CERS1: variants seen among roughly 807,000 people sequenced by gnomAD.
CERS1 encodes ceramide synthase 1, also known as Embryonic growth/differentiation factor 1.
A neutral mutation model predicts 35.7 loss-of-function variants in CERS1; 16 were observed. The observed-to-expected ratio is 0.45, with a 90% CI of 0.30 to 0.68. The LOEUF (loss-of-function observed/expected upper bound fraction) is 0.68, where lower values mean the gene tolerates loss of function less well. Ranked by LOEUF, CERS1 falls within the 30% of genes least tolerant of loss-of-function variation. The pLI, the probability that CERS1 is intolerant of heterozygous loss-of-function variation, is 0.08. For missense variants in CERS1, 454 were observed against 453.9 expected (o/e 1.00, Z 0.00); for synonymous variants, 243 against 201.6 (o/e 1.21, Z -1.74).
chr19:18,877,688 GC>G (rs959639124), intron 6 of CERS1, among the ~76,000 whole-genome samples: 1 of 150,922 alleles, frequency 6.6e-6, no homozygotes, highest in Non-Finnish European at 1.5e-5. Context: ...CTGGGAGGCG[GC>G]GGTTGCAGCG....
Position 18,870,019 on chromosome 19 carries a change from C to T in CERS1, c.*558G>A. ...ATGTGGCGCACGATGTTTCCGGCGA[C>T]CCCCAGCTCCTCCACGTGGCACGGT... On this transcript the variant is annotated 3_prime_UTR_variant, in exon 7 of 8. Coordinates refer to ENST00000623882, the MANE Select transcript of CERS1 (RefSeq NM_021267.5). This position sits in a 1 kb window ranked among gnomAD's most constrained non-coding sequence, Gnocchi z 5.1. 6.3e-7 allele frequency: 1 copy of T among 1,597,032 alleles called. No homozygotes were observed. The highest frequency in any genetic ancestry group is 8.5e-7 in the Non-Finnish European group (1 of 1,173,876).
Position 18,878,082 on chromosome 19 carries a change from T to C in CERS1, c.1010+848A>G. On this transcript the variant is annotated intron_variant, in intron 6 of 7. Transcript: ENST00000623882. The surrounding 1 kb of genome is among the most constrained non-coding windows in gnomAD (Gnocchi z 4.6). The stretch of plus-strand genomic sequence containing the variant: ...CCCGTTCCAAAAAACGTCACGGAGC[T>C]CTGAGCCACTGCTTCCCTGAAACCA... The C allele has an allele frequency of 1.0e-6, 1 of 985,500 alleles. No individual in the cohort carries two copies. Among genetic ancestry groups the C allele is most frequent in the Non-Finnish European group, 1.2e-6 (1 of 829,990 alleles). The allele number at this position is 985,500 out of a possible 1,614,324, so 61.0% of individuals were successfully genotyped here.
chr19:18,882,934 G>A (rs2056251433), intron 3 of CERS1, among the ~76,000 whole-genome samples: 1 of 152,172 alleles, frequency 6.6e-6, no homozygotes, highest in South Asian at 2.1e-4. Context: ...CTCATGATCC[G>A]CTCGCCTCGG....
chr19:18,890,614 C>T (rs1334737669), intron 2 of CERS1, among the ~76,000 whole-genome samples: 1 of 150,328 alleles, frequency 6.7e-6, no homozygotes, highest in Non-Finnish European at 1.5e-5. Context: ...CCCATCTCTA[C>T]CAAAAAACAC....
rs1035327337 is a variant in CERS1, at chr19:18,869,223, G to A, written c.*762C>T. Reference sequence around the variant, plus strand: ...CCCTGGCCCGCTTGCGCCACGCTCAGCTCCCAGCCGCCCTCCGGGGCTGCC... The same window carrying A: ...CCCTGGCCCGCTTGCGCCACGCTCAACTCCCAGCCGCCCTCCGGGGCTGCC... On this transcript the variant is annotated 3_prime_UTR_variant, in exon 8 of 8. Coordinates refer to ENST00000623882, the MANE Select transcript of CERS1 (RefSeq NM_021267.5). 4.8e-5 allele frequency: 66 copies of A among 1,373,062 alleles called. No homozygotes were observed. The highest frequency in any genetic ancestry group is 5.8e-5 in the Non-Finnish European group (62 of 1,073,752). 85.1% of individuals were successfully genotyped at this position (1,373,062 alleles called of 1,614,324 possible). A position where few individuals can be genotyped will look rare whatever the true frequency, so the allele number is the denominator to read the frequency against.
chr19:18,873,251 C>T (rs1042494222), intron 6 of CERS1, among the ~76,000 whole-genome samples: 9 of 151,892 alleles, frequency 5.9e-5, no homozygotes, highest in African/African-American at 1.5e-4. Context: ...ATGTCAAACA[C>T]GGGAGATGGA....
At chr19:18,882,228 A>G (rs544261894) in intron 3 of CERS1, among the ~76,000 whole-genome samples, 3 of 152,328 alleles carry the variant, frequency 2.0e-5, no homozygotes, top group Admixed American at 6.5e-5. Flanking sequence ...AACTATGGGA[A>G]TGTTCTAAAC....
chr19:18,879,160 C>T (rs2056128377), intron 5 of CERS1, 81 bp downstream of exon 5: 1 of 1,598,680 alleles, frequency 6.3e-7, no homozygotes, highest in African/African-American at 1.3e-5. Flanking sequence ...ACGTGCCCCT[C>T]CCCGGGACTG....
At chr19:18,876,835 T>C (rs1568295995) in intron 6 of CERS1, among the ~76,000 whole-genome samples, 1 of 152,172 alleles carries the variant, frequency 6.6e-6, no homozygotes. Context: ...ACATTGGTGC[T>C]TTGCTATTAA....
At chr19:18,880,024 A>C in intron 4 of CERS1, among the ~76,000 whole-genome samples, 1 of 136,962 alleles carries the variant, frequency 7.3e-6, no homozygotes, top group Non-Finnish European at 1.6e-5. Flanking sequence ...GGATCCACCC[A>C]CCTCACCTGG....
chr19:18,869,353 C>G lies in CERS1; in HGVS notation c.*632G>C, dbSNP rs2055918012. ...CGACTGTCCACTCAGGGCAATGCCC[C>G]GCGGCCGAGGCAGGCTCCGAGGCCC... On this transcript the variant is annotated 3_prime_UTR_variant, in exon 8 of 8. Coordinates refer to ENST00000623882, the MANE Select transcript of CERS1 (RefSeq NM_021267.5). 1 of 1,532,146 alleles carries G rather than the reference C, an allele frequency of 6.5e-7. No individual in the cohort carries two copies. The highest frequency in any genetic ancestry group is 8.7e-7 in the Non-Finnish European group (1 of 1,146,672). The allele number at this position is 1,532,146 out of a possible 1,614,324, so 94.9% of individuals were successfully genotyped here.
chr19:18,870,640 A>G lies in CERS1; in HGVS notation c.1011-21T>C. 1.8e-6 allele frequency: 1 copy of G among 543,666 alleles called. No individual in the cohort carries two copies. Among genetic ancestry groups the G allele is most frequent in the Admixed American group, 3.4e-5 (1 of 29,260 alleles). 33.7% of individuals were successfully genotyped at this position (543,666 alleles called of 1,614,324 possible). ...GCTTCCTGGGGGTCAGAACCGGCGC[A>G]GGTTAGCCTGGGAGCCCCACGCGGC... On this transcript the variant is annotated intron_variant, in intron 6 of 7. Coordinates refer to ENST00000623882, the MANE Select transcript of CERS1 (RefSeq NM_021267.5). The surrounding 1 kb of genome is among the most constrained non-coding windows in gnomAD (Gnocchi z 5.1).
chr19:18,872,805 C>T (rs1258518552), intron 6 of CERS1, among the ~76,000 whole-genome samples: 2 of 151,406 alleles, frequency 1.3e-5, no homozygotes, highest in African/African-American at 2.4e-5. Context: ...GTGAGCGCCG[C>T]GCCTGGCTAA....
intron 6 of CERS1, among the ~76,000 whole-genome samples, chr19:18,875,050 T>A (rs2056036676): frequency 6.6e-6 from 1 of 151,250 alleles, no homozygotes; most frequent in South Asian, 2.1e-4. Context: ...AACTGGGTAA[T>A]ATAGTGAGAT....
rs948868401 is a variant in CERS1, at chr19:18,868,765, G to A, written c.*1220C>T. On this transcript the variant is annotated 3_prime_UTR_variant, in exon 8 of 8. Coordinates refer to ENST00000623882, the MANE Select transcript of CERS1 (RefSeq NM_021267.5). Reference sequence around the variant, plus strand: ...CGTGCATGAGCGCGCGCAGCACAGCGTGGTTGAGCGCCGGCGGCCCCCCGG... The same window carrying A: ...CGTGCATGAGCGCGCGCAGCACAGCATGGTTGAGCGCCGGCGGCCCCCCGG... 1.1e-5 allele frequency: 16 copies of A among 1,487,638 alleles called. No individual in the cohort carries two copies. Among genetic ancestry groups the A allele is most frequent in the Non-Finnish European group, 1.3e-5 (14 of 1,112,614 alleles). 92.2% of individuals were successfully genotyped at this position (1,487,638 alleles called of 1,614,324 possible).
intron 2 of CERS1, among the ~76,000 whole-genome samples, chr19:18,887,299 C>T (rs2056384958): frequency 6.6e-6 from 1 of 152,140 alleles, no homozygotes; most frequent in Non-Finnish European, 1.5e-5. Flanking sequence ...ATGCCCAGAA[C>T]AGGCAAATCT....
chr19:18,885,511 G>GTTTTTTTT (rs59793456), intron 2 of CERS1, among the ~76,000 whole-genome samples: 12 of 22,120 alleles, frequency 5.4e-4, no homozygotes, highest in African/African-American at 1.3e-3. Context: ...GCCCCTTCTC[G>GTTTTTTTT]TTTTTTTTTT....
chr19:18,894,276 C>A (rs939412165), intron 1 of CERS1, among the ~76,000 whole-genome samples: 1 of 151,912 alleles, frequency 6.6e-6, no homozygotes, highest in Non-Finnish European at 1.5e-5. Flanking sequence ...GGCGCGGCTC[C>A]AGAGCTGCCC....
Position 18,896,118 on chromosome 19 carries a change from T to G in CERS1, c.-46A>C. ...GCCCGTCGCCTGCGCCCGCCCGCGG[T>G]AGCCGACGGAGCCGCGCGCCCCGCG... On this transcript the variant is annotated 5_prime_UTR_variant, in exon 1 of 8. Transcript: ENST00000623882. The surrounding 1 kb of genome is among the most constrained non-coding windows in gnomAD (Gnocchi z 5.9). The G allele has an allele frequency of 1.3e-6, 1 of 763,934 alleles. No homozygotes were observed. Among genetic ancestry groups the G allele is most frequent in the Non-Finnish European group, 1.6e-6 (1 of 631,270 alleles). The allele number at this position is 763,934 out of a possible 1,614,324, so 47.3% of individuals were successfully genotyped here. A position where few individuals can be genotyped will look rare whatever the true frequency, so the allele number is the denominator to read the frequency against.
Sources: allele counts gnomAD v4.1 joint callset (sites outside exome capture counted in the v4.1 genomes callset), GRCh38; gene constraint gnomAD v4.1.1; non-coding constraint Gnocchi (gnomAD v3.1); transcripts MANE v1.5; gene names NCBI Gene and HGNC (gene_info 2026-07-23, HGNC 2026-07-21).